IL6ST: variants seen among roughly 807,000 people sequenced by gnomAD.
IL6ST encodes interleukin-6 receptor subunit beta.
IL6ST carries 24 observed loss-of-function variants against 91.3 expected under a neutral mutation model. The observed-to-expected ratio is 0.26, with a 90% confidence interval of 0.19 to 0.37. The LOEUF (loss-of-function observed/expected upper bound fraction) is 0.37. Among genes scored for constraint, IL6ST ranks in the 10% least tolerant of loss-of-function variants. The pLI is 1.00. For missense variants in IL6ST, 914 were observed against 1,078.5 expected, an observed-to-expected ratio of 0.85 and a Z score of 2.14; for synonymous variants, 351 against 373.6, an observed-to-expected ratio of 0.94 and a Z score of 0.70.
intron 2 of IL6ST, 157 bp from the exon 3 acceptor site, chr5:55,976,450 T>G: frequency 2.4e-6 from 1 of 422,464 alleles, no homozygotes; most frequent in South Asian, 8.5e-5. Context: ...TTATTTTTCT[T>G]TATTCCCACT....
chr5:55,955,938 A>G, intron 10 of IL6ST, 87 bp downstream of exon 10: 2 of 781,754 alleles, frequency 2.6e-6, no homozygotes, highest in Non-Finnish European at 2.3e-6. Context: ...ACAGTCTTAG[A>G]TAACTTGTGT....
chr5:55,960,605 G>C (rs757053839), intron 7 of IL6ST, 44 bp from the exon 8 acceptor site: 2 of 1,570,882 alleles, frequency 1.3e-6, no homozygotes, highest in South Asian at 2.4e-5. Flanking sequence ...CAATTAGTAA[G>C]GTCTTCTAAA....
Position 55,941,482 on chromosome 5 carries a change from A to C in IL6ST, c.2357T>G (p.Leu786Trp), listed in dbSNP as rs1750910646. The change falls in exon 17 of 17, where the codon TTG (leucine) becomes TGG (tryptophan). Residue 786 changes from leucine to tryptophan, a missense_variant. Physicochemically the swap from Leu to Trp is moderately conservative, Grantham distance 61. Transcript: ENST00000381298. ...TTCTGGCCGCTCCTCTGAATCTAACAAGGGCTGGGTAGACTCGGATCTTGA... is the reference window on the plus strand; with the variant it reads ...TTCTGGCCGCTCCTCTGAATCTAACCAGGGCTGGGTAGACTCGGATCTTGA... ...VFSRSESTQP[L>W]LDSEERPEDL... The C allele has an allele frequency of 6.2e-7, 1 of 1,614,006 alleles. No individual in the cohort carries two copies. The highest frequency in any genetic ancestry group is 8.5e-7 in the Non-Finnish European group (1 of 1,180,004).
At chr5:55,993,134 C>G (rs764073906) in intron 1 of IL6ST, among the ~76,000 whole-genome samples, 29 of 152,242 alleles carry the variant, frequency 1.9e-4, no homozygotes, top group Non-Finnish European at 7.3e-5. Context: ...CCAGAGAATT[C>G]TGACTCCCAT....
rs1459365933 is a variant in IL6ST, at chr5:55,994,862, G to C, written c.-182C>G. On this transcript the variant is annotated 5_prime_UTR_variant, in exon 1 of 17. Coordinates refer to ENST00000381298, the MANE Select transcript of IL6ST (RefSeq NM_002184.4). ...GCGCCAGGCTGGGCCAGACCCGTCG[G>C]CCTGGCAGGCGCGGCCCCCGGTTCA... 6.6e-6 allele frequency: 1 copy of C among 152,254 alleles called. No homozygotes were observed. Among genetic ancestry groups the C allele is most frequent in the African/African-American group, 2.4e-5 (1 of 41,444 alleles). The allele number at this position is 152,254 out of a possible 1,614,324, so 9.4% of individuals were successfully genotyped here.
chr5:55,988,064 G>A (rs569039985), intron 1 of IL6ST, among the ~76,000 whole-genome samples: 1 of 151,206 alleles, frequency 6.6e-6, no homozygotes, highest in Non-Finnish European at 1.5e-5. Context: ...CCGGGAGGCA[G>A]AGGTTGCAGT....
chr5:55,971,038 A>G, intron 3 of IL6ST, among the ~76,000 whole-genome samples: 1 of 152,216 alleles, frequency 6.6e-6, no homozygotes, highest in East Asian at 1.9e-4. Context: ...CTCTAGCACT[A>G]AACCCCCATG....
intron 14 of IL6ST, 76 bp from the exon 15 acceptor site, chr5:55,947,665 T>C (rs1418630118): frequency 2.6e-6 from 2 of 781,112 alleles, no homozygotes; most frequent in African/African-American, 2.0e-5. Flanking sequence ...GAAGACATAA[T>C]ACAACTTCCC....
intron 11 of IL6ST, among the ~76,000 whole-genome samples, chr5:55,952,757 AG>A (rs1483451851): frequency 6.6e-6 from 1 of 152,138 alleles, no homozygotes; most frequent in Non-Finnish European, 1.5e-5. Flanking sequence ...GTTGGAAAAA[AG>A]GGTATCTTAA....
intron 4 of IL6ST, 61 bp downstream of exon 4, chr5:55,969,489 C>A: frequency 9.4e-7 from 1 of 1,067,022 alleles, no homozygotes; most frequent in African/African-American, 1.6e-5. Flanking sequence ...GAAAGGACAA[C>A]ATTAAAAATG....
At chr5:55,969,073 T>A (rs974293803) in intron 4 of IL6ST, among the ~76,000 whole-genome samples, 2 of 151,694 alleles carry the variant, frequency 1.3e-5, no homozygotes, top group East Asian at 3.9e-4. Context: ...CTCATGCCTG[T>A]AGTCCCAGCT....
intron 3 of IL6ST, among the ~76,000 whole-genome samples, chr5:55,974,530 A>G (rs1438227028): frequency 1.3e-5 from 2 of 151,784 alleles, no homozygotes; most frequent in Non-Finnish European, 2.9e-5. Context: ...TGTCACCCAG[A>G]CTGGAGTGCA....
intron 1 of IL6ST, among the ~76,000 whole-genome samples, chr5:55,992,351 T>C (rs1348455558): frequency 4.6e-5 from 7 of 152,186 alleles, no homozygotes; most frequent in Non-Finnish European, 1.0e-4. Context: ...GCAGGATGTA[T>C]CATGGTTAAG....
At chr5:55,945,742 C>T (rs2111622714) in intron 15 of IL6ST, among the ~76,000 whole-genome samples, 1 of 143,516 alleles carries the variant, frequency 7.0e-6, no homozygotes, top group East Asian at 2.0e-4. Flanking sequence ...CCCATGCCTC[C>T]TGGGTTCAAG....
chr5:55,975,954 G>A (rs908554498), intron 3 of IL6ST, among the ~76,000 whole-genome samples: 9 of 150,008 alleles, frequency 6.0e-5, no homozygotes, highest in African/African-American at 2.2e-4. Flanking sequence ...TAAAGTTATT[G>A]TTAGTATTGA....
intron 14 of IL6ST, among the ~76,000 whole-genome samples, chr5:55,948,369 A>G (rs954897182): frequency 1.3e-5 from 2 of 152,274 alleles, no homozygotes; most frequent in East Asian, 3.9e-4. Flanking sequence ...AAAATGTATG[A>G]AAGTAATATT....
At chr5:55,973,371 A>T (rs1242808034) in intron 3 of IL6ST, among the ~76,000 whole-genome samples, 18 of 152,170 alleles carry the variant, frequency 1.2e-4, no homozygotes, top group Admixed American at 1.2e-3. Flanking sequence ...CACTCCAGCC[A>T]ATGGAGTGTG....
intron 13 of IL6ST, 127 bp from the exon 14 acceptor site, chr5:55,951,731 G>A: frequency 2.2e-6 from 2 of 924,670 alleles, no homozygotes; most frequent in South Asian, 1.7e-5. Flanking sequence ...CTTTTATAAT[G>A]TTCTGACATA....
In IL6ST at chr5:55,951,570, T is replaced by C. The variant is rs1447694283; in HGVS notation, c.1734A>G (p.Thr578=). 1.9e-6 allele frequency: 3 copies of C among 1,612,408 alleles called. No individual in the cohort carries two copies. The highest frequency in any genetic ancestry group is 2.2e-5 in the East Asian group (1 of 44,866). The stretch of plus-strand genomic sequence containing the variant: ...ATGTGTCACTAGTCAAAGAGGACAA[T>C]GTATATTCTGTGTGGGAAGAATCCA... The part of the protein sequence containing the change: ...VNVDSSHTEY[T]LSSLTSDTLY... The change falls in exon 14 of 17, where the codon ACA becomes ACG. Residue 578 remains threonine, a synonymous_variant. Transcript: ENST00000381298.
Sources: allele counts gnomAD v4.1 joint callset (sites outside exome capture counted in the v4.1 genomes callset), GRCh38; gene constraint gnomAD v4.1.1; transcripts MANE v1.5; gene names NCBI Gene and HGNC (gene_info 2026-07-23, HGNC 2026-07-21).